Variants in INTS3 observed in about 807,000 individuals in gnomAD.
INTS3 encodes the protein SOSS complex subunit A.
INTS3 carries 34 observed loss-of-function variants against 146.3 expected under a neutral mutation model. The ratio of observed to expected loss-of-function variants is 0.23; its 90% CI spans 0.18 to 0.31. The LOEUF is 0.31. Ranked by LOEUF, INTS3 falls within the 10% of genes least tolerant of loss-of-function variation. The probability of loss-of-function intolerance (pLI) is 1.00; values close to 1 mark genes in which losing one functional copy is unlikely to be tolerated. For missense variants in INTS3, 757 were observed against 1,304.2 expected (o/e 0.58, Z 6.46); for synonymous variants, 475 against 494.9 (o/e 0.96, Z 0.53).
chr1:153,757,761 A>G lies in INTS3; in HGVS notation c.1147A>G (p.Thr383Ala), dbSNP rs1221092243. 11 of 1,612,592 alleles carry G rather than the reference A, an allele frequency of 6.8e-6. No homozygotes were observed. Among genetic ancestry groups the G allele is most frequent in the Non-Finnish European group, 9.3e-6 (11 of 1,179,708 alleles). ...AIIGWLLTTC[T>A]SNVAASNAKL... The stretch of plus-strand genomic sequence containing the variant: ...CATTGGTTGGCTCCTGACAACGTGC[A>G]CGGTGAGGGCAAAAGATACTGGGTG... The change falls in exon 10 of 30, where the codon ACG becomes GCG. Residue 383 changes from threonine (T) to alanine (A), a missense_variant and splice_region_variant. Thr to Ala is a moderately conservative substitution (Grantham distance 58). This residue lies in a region of INTS3 where 35 missense variants were observed against 122.2 expected (regional missense o/e 0.29). Coordinates refer to ENST00000318967, the MANE Select transcript of INTS3 (RefSeq NM_023015.5). The surrounding 1 kb of genome is among the most constrained non-coding windows in gnomAD (Gnocchi z 4.0).
chr1:153,746,856 T>C, intron 3 of INTS3, 101 bp from the exon 4 acceptor site: 2 of 684,124 alleles, frequency 2.9e-6, no homozygotes, highest in South Asian at 3.5e-5. Context: ...CTTATTGGTG[T>C]TATTTAAGTT....
rs146975003 is a variant in INTS3 at position 153,748,547 on chromosome 1, C to G, written c.518-142C>G. 93 of 751,302 alleles carry G rather than the reference C, an allele frequency of 1.2e-4. No homozygotes were observed. The Middle Eastern group carries it at 1.9e-3, about 15-fold the overall frequency. The allele number at this position is 751,302 out of a possible 1,614,324, so 46.5% of individuals were successfully genotyped here. ...GGTGAAACTTTAAAGCCTGACAGAACAGAAGGCAGTTTATCTCAGCAGTGA... is the reference window on the plus strand; with the variant it reads ...GGTGAAACTTTAAAGCCTGACAGAAGAGAAGGCAGTTTATCTCAGCAGTGA... On this transcript the variant is annotated intron_variant, in intron 5 of 29. Coordinates refer to ENST00000318967, the MANE Select transcript of INTS3 (RefSeq NM_023015.5).
At position 153,757,801 on chromosome 1, in the gene INTS3, T is replaced by C. The variant is rs1448246024; in HGVS notation, c.1149+38T>C. On this transcript the variant is annotated intron_variant, in intron 10 of 29. Coordinates refer to ENST00000318967, the MANE Select transcript of INTS3 (RefSeq NM_023015.5). This position sits in a 1 kb window ranked among gnomAD's most constrained non-coding sequence, Gnocchi z 4.0. ...GATACTGGGTGGTGAAGGGTGCCTC[T>C]TCCATGGTGTTCCCATGTTTCCATT... 1 of 1,548,902 alleles carries C rather than the reference T, an allele frequency of 6.5e-7. No individual in the cohort carries two copies. The highest frequency in any genetic ancestry group is 1.4e-5 in the African/African-American group (1 of 73,736).
intron 9 of INTS3, 43 bp downstream of exon 9, chr1:153,754,782 C>A: frequency 7.8e-7 from 1 of 1,281,366 alleles, no homozygotes; most frequent in Non-Finnish European, 1.1e-6. Context: ...CACACGCTGG[C>A]TGGGCTTCTT....
chr1:153,736,761 CTTT>C (rs5777880), intron 1 of INTS3, among the ~76,000 whole-genome samples: 2 of 94,058 alleles, frequency 2.1e-5, no homozygotes, highest in Admixed American at 1.3e-4. Context: ...GTCTTTCATT[CTTT>C]TTTTTTTTTT....
chr1:153,747,727 A>T (rs1020251744), intron 5 of INTS3: 8 of 275,364 alleles, frequency 2.9e-5, no homozygotes, highest in Non-Finnish European at 5.6e-5. Context: ...GCTTTCAGAA[A>T]CCTAGACATC....
intron 12 of INTS3, 53 bp downstream of exon 12, chr1:153,760,443 G>C: frequency 2.1e-6 from 3 of 1,441,332 alleles, no homozygotes; most frequent in Non-Finnish European, 2.9e-6. Flanking sequence ...AGAATTCAGT[G>C]TATCTCCCCT....
chr1:153,728,138 G>T lies in INTS3; in HGVS notation c.-497G>T. 1 of 394,168 alleles carries T rather than the reference G, an allele frequency of 2.5e-6. No homozygotes were observed. Among genetic ancestry groups the T allele is most frequent in the Non-Finnish European group, 4.4e-6 (1 of 224,942 alleles). 24.4% of individuals were successfully genotyped at this position (394,168 alleles called of 1,614,324 possible). ...TCCCCGTCCTCCCATAGCGCTTATT[G>T]CCTCACCCTCACCCCCTAGGGGCCG... On this transcript the variant is annotated 5_prime_UTR_variant, in exon 1 of 30. Coordinates refer to ENST00000318967, the MANE Select transcript of INTS3 (RefSeq NM_023015.5).
chr1:153,744,969 C>T lies in INTS3; in HGVS notation c.319-1988C>T, dbSNP rs1407105601. On this transcript the variant is annotated intron_variant, in intron 3 of 29. Transcript: ENST00000318967. Reference sequence around the variant, plus strand: ...TTCTTCCTCTAATCTCTTATGTCATCTGGGGCAAATAACTTTTAAGCTCTC... The same window carrying T: ...TTCTTCCTCTAATCTCTTATGTCATTTGGGGCAAATAACTTTTAAGCTCTC... Among the ~76,000 whole-genome samples, 3 of 152,132 alleles carry T rather than the reference C, an allele frequency of 2.0e-5. No individual in the cohort carries two copies. The East Asian group carries it at 5.8e-4, about 29-fold the overall frequency.
intron 13 of INTS3, 50 bp from the exon 14 acceptor site, chr1:153,761,519 AT>A (rs929013630): frequency 1.2e-5 from 16 of 1,359,618 alleles, no homozygotes; most frequent in Non-Finnish European, 1.7e-5. Context: ...TCAAAAAAAA[AT>A]AAAAATAAGA....
intron 15 of INTS3, 83 bp from the exon 16 acceptor site, chr1:153,763,150 G>A: frequency 3.2e-6 from 5 of 1,558,626 alleles, no homozygotes; most frequent in South Asian, 1.1e-5. Context: ...GGGCATGTGA[G>A]GAAGGGGATA....
chr1:153,732,624 T>G (rs879520309), intron 1 of INTS3, among the ~76,000 whole-genome samples: 1 of 151,914 alleles, frequency 6.6e-6, no homozygotes, highest in Non-Finnish European at 1.5e-5. Flanking sequence ...TTTTTTGCAT[T>G]TTTAGTAGAG....
In INTS3 at chr1:153,728,796, G is replaced by A. The variant is rs1429203974; in HGVS notation, c.150+12G>A. 1.9e-6 allele frequency: 3 copies of A among 1,582,112 alleles called. No homozygotes were observed. The South Asian group carries it at 3.3e-5, about 18-fold the overall frequency. ...ATGAGTTAGAGGAGGTAGGTGTGGG[G>A]GGAGGGAAGGGAGTTAAGAAATTGG... On this transcript the variant is annotated intron_variant, in intron 1 of 29. Coordinates refer to ENST00000318967, the MANE Select transcript of INTS3 (RefSeq NM_023015.5).
At chr1:153,760,232 CAAAAAAAAA>C (rs58951043) in intron 11 of INTS3, 70 bp from the exon 12 acceptor site, 311 of 395,304 alleles carry the variant, frequency 7.9e-4, no homozygotes, top group Middle Eastern at 2.2e-3. Flanking sequence ...GACTCTGTTT[CAAAAAAAAA>C]AAAAAAAAAA....
rs749178650 is a variant in INTS3 at position 153,740,647 on chromosome 1, C to A, written c.151-4C>A. On this transcript the variant is annotated splice_region_variant and splice_polypyrimidine_tract_variant and intron_variant, in intron 1 of 29. Transcript: ENST00000318967. Reference sequence around the variant, plus strand: ...ACTGTTCATTTTTTCTCACCCCTTCCCAGAGATTGGAAAGGTGTATGAGCA... The same window carrying A: ...ACTGTTCATTTTTTCTCACCCCTTCACAGAGATTGGAAAGGTGTATGAGCA... 19 of 1,612,784 alleles carry A rather than the reference C, an allele frequency of 1.2e-5. No individual in the cohort carries two copies. The highest frequency in any genetic ancestry group is 5.0e-5 in the Admixed American group (3 of 59,972).
chr1:153,732,847 A>G (rs948532497), intron 1 of INTS3, among the ~76,000 whole-genome samples: 21 of 149,654 alleles, frequency 1.4e-4, no homozygotes, highest in African/African-American at 4.4e-4. Context: ...TGTGTTGCCC[A>G]GACTGGAGTG....
chr1:153,770,115 T>C (rs1570885225), intron 23 of INTS3, 83 bp from the exon 24 acceptor site: 4 of 372,806 alleles, frequency 1.1e-5, no homozygotes, highest in African/African-American at 6.7e-5. Context: ...TGGTAGTCAG[T>C]GGATGGGGGG....
intron 3 of INTS3, among the ~76,000 whole-genome samples, chr1:153,744,637 T>C (rs986091963): frequency 2.0e-5 from 3 of 152,212 alleles, no homozygotes; most frequent in Non-Finnish European, 2.9e-5. Flanking sequence ...TTAACGACAA[T>C]AGAGGCAGAA....
At chr1:153,767,940 T>C (rs1276832073) in intron 21 of INTS3, 113 bp downstream of exon 21, 1 of 1,086,316 alleles carries the variant, frequency 9.2e-7, no homozygotes, top group South Asian at 1.9e-5. Context: ...CTAACCTAGG[T>C]GGGCCATTGC....
Sources: gnomAD v4.1 joint callset for allele counts (sites outside exome capture counted in the v4.1 genomes callset) on GRCh38, gnomAD v4.1.1 for gene constraint, gnomAD v4.1.1 regional missense constraint, Gnocchi (gnomAD v3.1) non-coding constraint, MANE v1.5 for transcripts, NCBI Gene and HGNC (gene_info 2026-07-23, HGNC 2026-07-21) for gene names.